Variants in PIEZO1 observed in about 807,000 individuals in gnomAD.
PIEZO1 encodes piezo type mechanosensitive ion channel component 1 (Er blood group).
A neutral mutation model predicts 297.2 loss-of-function variants in PIEZO1; 296 were observed. That is an observed-to-expected ratio of 1.00 (90% CI 0.91 to 1.10). The LOEUF is 1.10. Ranked by LOEUF, PIEZO1 falls within the 50% of genes least tolerant of loss-of-function variation. The pLI, the probability that PIEZO1 is intolerant of heterozygous loss-of-function variation, is 0.00. For synonymous variants in PIEZO1, 2,427 were observed against 1,507.5 expected (o/e 1.61, Z -14.13); for missense variants, 5,018 against 3,455.5 (o/e 1.45, Z -11.34).
intron 30 of PIEZO1, 64 bp from the exon 31 acceptor site, chr16:88,724,035 C>CG (rs1904306390): frequency 9.9e-7 from 1 of 1,013,940 alleles, no homozygotes; most frequent in Non-Finnish European, 1.5e-6. Flanking sequence ...AGACCCCCTC[C>CG]GCCTGCATGG....
At chr16:88,781,431 C>G (rs760266259) in intron 1 of PIEZO1, among the ~76,000 whole-genome samples, 1 of 152,260 alleles carries the variant, frequency 6.6e-6, no homozygotes, top group South Asian at 2.1e-4. Context: ...TCCCCAAACA[C>G]GCACACATGT....
At chr16:88,778,980 G>A (rs1048207255) in intron 1 of PIEZO1, among the ~76,000 whole-genome samples, 7 of 152,112 alleles carry the variant, frequency 4.6e-5, no homozygotes, top group African/African-American at 1.7e-4. Context: ...CTGGGAACAG[G>A]GGAGGACAGA....
At position 88,723,115 on chromosome 16, in the gene PIEZO1, C is replaced by A; in HGVS notation, c.4475G>T (p.Gly1492Val). Residue 1492 changes from glycine to valine, a missense_variant, in exon 33 of 51, where the codon GGC becomes GTC. Gly to Val is a moderately radical substitution (Grantham distance 109, BLOSUM62 -3). Coordinates refer to ENST00000301015, the MANE Select transcript of PIEZO1 (RefSeq NM_001142864.4). ...CGTACCTGCCGCTGCCTCCTCGGGG[C>A]CCTCTGCTGGCTCCACCTCCTGGCT... ...GPSQEVEPAE[G>V]PEEAAAGRSH... 1 of 1,548,668 alleles carries A rather than the reference C, an allele frequency of 6.5e-7. No individual in the cohort carries two copies. Among genetic ancestry groups the A allele is most frequent in the South Asian group, 1.2e-5 (1 of 84,056 alleles).
At chr16:88,755,787 G>A (rs1906625514) in intron 1 of PIEZO1, among the ~76,000 whole-genome samples, 1 of 152,242 alleles carries the variant, frequency 6.6e-6, no homozygotes, top group Non-Finnish European at 1.5e-5. Flanking sequence ...CTGCAGAGCG[G>A]CCTCACAGGA....
chr16:88,780,303 A>G (rs1026200603), intron 1 of PIEZO1, among the ~76,000 whole-genome samples: 1 of 152,206 alleles, frequency 6.6e-6, no homozygotes, highest in Non-Finnish European at 1.5e-5. Flanking sequence ...TCCAAAAAAT[A>G]GGCTCAACAG....
intron 23 of PIEZO1, among the ~76,000 whole-genome samples, 176 bp downstream of exon 23, chr16:88,727,381 C>T (rs1322211708): frequency 2.0e-5 from 3 of 152,212 alleles, no homozygotes; most frequent in Non-Finnish European, 2.9e-5. Flanking sequence ...CAAGGGCTGC[C>T]GTGCACACAG....
chr16:88,773,345 G>T (rs979862301), intron 1 of PIEZO1, among the ~76,000 whole-genome samples: 1 of 152,270 alleles, frequency 6.6e-6, no homozygotes, highest in Non-Finnish European at 1.5e-5. Flanking sequence ...CCCACCTGGC[G>T]TGGGGGCCAG....
At chr16:88,749,623 C>T in intron 1 of PIEZO1, 144 bp from the exon 2 acceptor site, 5 of 620,252 alleles carry the variant, frequency 8.1e-6, no homozygotes, top group East Asian at 3.3e-5. Flanking sequence ...CCGTGGAAGC[C>T]GCCTCGCGCT....
At chr16:88,734,268 G>A (rs1332047503) in intron 16 of PIEZO1, 88 bp downstream of exon 16, 10 of 1,293,684 alleles carry the variant, frequency 7.7e-6, no homozygotes, top group African/African-American at 1.5e-5. Flanking sequence ...GGTGGAAGAT[G>A]TGGCTCCTGT....
intron 39 of PIEZO1, 112 bp downstream of exon 39, chr16:88,721,054 C>G: frequency 1.8e-6 from 2 of 1,126,078 alleles, no homozygotes; most frequent in Non-Finnish European, 1.2e-6. Context: ...TTCCTGGGAT[C>G]CAGGTGGGCC....
Position 88,749,523 on chromosome 16 carries a change from C to T in PIEZO1, c.65-44G>A, listed in dbSNP as rs1906274086. 2.1e-6 allele frequency: 3 copies of T among 1,399,828 alleles called. No individual in the cohort carries two copies. The South Asian group carries it at 3.8e-5, about 18-fold the overall frequency. 86.7% of individuals were successfully genotyped at this position (1,399,828 alleles called of 1,614,324 possible). A position where few individuals can be genotyped will look rare whatever the true frequency, so the allele number is the denominator to read the frequency against. On this transcript the variant is annotated intron_variant, in intron 1 of 50. Transcript: ENST00000301015. ...TAACTAGGTCGCCAACAGAGGATGG[C>T]CAGCCCCACCCCAGAGGACAGCGCA... is the stretch of plus-strand genomic sequence containing the variant.
At chr16:88,773,668 C>G (rs1303251790) in intron 1 of PIEZO1, among the ~76,000 whole-genome samples, 3 of 150,862 alleles carry the variant, frequency 2.0e-5, no homozygotes, top group Admixed American at 6.6e-5. Flanking sequence ...GGGGAGTGGA[C>G]AGCAGCTGCC....
rs570804284 is a variant in PIEZO1 at position 88,734,791 on chromosome 16, T to C, written c.1856A>G (p.Tyr619Cys). Residue 619 changes from tyrosine to cysteine, a missense_variant, in exon 15 of 51, where the codon TAC (tyrosine) becomes TGC (cysteine). Physicochemically the swap from Tyr to Cys is radical, Grantham distance 194. Transcript: ENST00000301015. ...LLCLTLFQVY[Y>C]SLWRKLLKAF... is the part of the protein sequence containing the mutation. The stretch of plus-strand genomic sequence containing the variant: ...CTTGAGCAGCTTCCGCCACAGGCTG[T>C]AGTAGACCTGCCGGGTGAGGTGGGG... The C allele has an allele frequency of 2.6e-6, 4 of 1,550,120 alleles. No individual in the cohort carries two copies. The highest frequency in any genetic ancestry group is 2.4e-5 in the East Asian group (1 of 40,866).
Position 88,726,656 on chromosome 16 carries a change from A to AGGTTCAGCG in PIEZO1, c.3700-14_3700-13insCGCTGAACC. 1.1e-6 allele frequency: 1 copy of AGGTTCAGCG among 941,030 alleles called. No individual in the cohort carries two copies. Among genetic ancestry groups the AGGTTCAGCG allele is most frequent in the Non-Finnish European group, 1.5e-6 (1 of 671,046 alleles). 58.3% of individuals were successfully genotyped at this position (941,030 alleles called of 1,614,324 possible). A position where few individuals can be genotyped will look rare whatever the true frequency, so the allele number is the denominator to read the frequency against. On this transcript the variant is annotated splice_polypyrimidine_tract_variant and intron_variant, in intron 25 of 50. Transcript: ENST00000301015. ...CGCAGGCCAGGAGCTGGGGGAGAGC[A>AGGTTCAGCG]GGGTCAGCGGGGCCAGCGGGGCCCC...
rs1236315874 is a variant in PIEZO1, at chr16:88,715,548, T to C, written c.*57A>G. Reference sequence around the variant, plus strand: ...CCCCGGCCTGAGGAGTGCCGCCCCTTGTGGCCACGCTGCCCAGCAGGCCGG... The same window carrying C: ...CCCCGGCCTGAGGAGTGCCGCCCCTCGTGGCCACGCTGCCCAGCAGGCCGG... On this transcript the variant is annotated 3_prime_UTR_variant, in exon 51 of 51. Coordinates refer to ENST00000301015, the MANE Select transcript of PIEZO1 (RefSeq NM_001142864.4). 37 of 1,504,370 alleles carry C rather than the reference T, an allele frequency of 2.5e-5. No homozygotes were observed. The Admixed American group carries it at 6.7e-4, about 27-fold the overall frequency. 93.2% of individuals were successfully genotyped at this position (1,504,370 alleles called of 1,614,324 possible).
chr16:88,739,599 G>C (rs1038365179), intron 5 of PIEZO1: 1 of 152,346 alleles, frequency 6.6e-6, no homozygotes, highest in South Asian at 2.1e-4. Context: ...GCAAGTCACA[G>C]CCTCTCGGAG....
In PIEZO1 at chr16:88,722,671, C is replaced by T. The variant is rs1904288859; in HGVS notation, c.4687G>A (p.Gly1563Ser). Residue 1563 changes from glycine to serine, a missense_variant, in exon 35 of 51, where the codon GGC (glycine) becomes AGC (serine). Gly to Ser is a moderately conservative substitution (Grantham distance 56). Coordinates refer to ENST00000301015, the MANE Select transcript of PIEZO1 (RefSeq NM_001142864.4). Reference sequence around the variant, plus strand: ...CTTGTGTACAGCTGATCCAGCACGCCCCTGTGCACTTCGCCGCCCTGCAGG... The same window carrying T: ...CTTGTGTACAGCTGATCCAGCACGCTCCTGTGCACTTCGCCGCCCTGCAGG... ...ELLQGGEVHR[G>S]VLDQLYTSQA... The T allele has an allele frequency of 6.5e-7, 1 of 1,537,802 alleles. No homozygotes were observed. Among genetic ancestry groups the T allele is most frequent in the African/African-American group, 1.4e-5 (1 of 73,024 alleles).
chr16:88,770,461 G>A lies in PIEZO1; in HGVS notation c.64+14440C>T, dbSNP rs1020565029. Among the ~76,000 whole-genome samples the A allele has an allele frequency of 5.3e-5, 8 of 152,318 alleles. No homozygotes were observed. The South Asian group carries it at 6.2e-4, about 12-fold the overall frequency. Reference sequence around the variant, plus strand: ...GGCCAGGCTGTAGCGAGGATGGCACGGTGAAGAGTCCAGAGTCTGCCAGGA... The same window carrying A: ...GGCCAGGCTGTAGCGAGGATGGCACAGTGAAGAGTCCAGAGTCTGCCAGGA... On this transcript the variant is annotated intron_variant, in intron 1 of 50. Coordinates refer to ENST00000301015, the MANE Select transcript of PIEZO1 (RefSeq NM_001142864.4).
chr16:88,741,377 G>T (rs750738), intron 5 of PIEZO1, 101 bp downstream of exon 5: 4 of 1,126,650 alleles, frequency 3.6e-6, no homozygotes, highest in Non-Finnish European at 4.9e-6. Flanking sequence ...CAACCAAAAC[G>T]TCTACATCTG....
Sources: allele counts gnomAD v4.1 joint callset (sites outside exome capture counted in the v4.1 genomes callset), GRCh38; gene constraint gnomAD v4.1.1; transcripts MANE v1.5; gene names NCBI Gene and HGNC (gene_info 2026-07-23, HGNC 2026-07-21).